Variants in SGK3 observed in about 807,000 individuals in gnomAD.
SGK3 encodes serum/glucocorticoid regulated kinase family member 3.
In SGK3, 47 loss-of-function variants were observed where a neutral mutation model predicts 68.5. The observed-to-expected ratio is 0.69, with a 90% CI of 0.54 to 0.87. SGK3 has a LOEUF of 0.87. SGK3 is among the 40% of genes least tolerant of loss of function. The pLI is 0.00. For missense variants in SGK3, 479 were observed against 575.5 expected, an observed-to-expected ratio of 0.83 and a Z score of 1.72; for synonymous variants, 181 against 189.1, an observed-to-expected ratio of 0.96 and a Z score of 0.35.
At chr8:66,737,724 C>T (rs1390483589) in intron 1 of SGK3, 1 of 151,572 alleles carries the variant, frequency 6.6e-6, no homozygotes, top group Non-Finnish European at 1.5e-5. Flanking sequence ...CAAGTGATTC[C>T]CTTGCCTCAG....
At chr8:66,849,348 G>A (rs1810168579) in intron 15 of SGK3, among the ~76,000 whole-genome samples, 1 of 152,028 alleles carries the variant, frequency 6.6e-6, no homozygotes, top group African/African-American at 2.4e-5. Context: ...TGGCTATTCT[G>A]GCCAGAAATC....
intron 1 of SGK3, among the ~76,000 whole-genome samples, chr8:66,717,664 G>A (rs996973909): frequency 1.3e-5 from 2 of 152,296 alleles, no homozygotes; most frequent in South Asian, 4.1e-4. Flanking sequence ...TTGAAAATGA[G>A]AAGGAACTTT....
chr8:66,765,310 T>G (rs747418895), intron 1 of SGK3, among the ~76,000 whole-genome samples: 1 of 146,088 alleles, frequency 6.8e-6, no homozygotes, highest in Admixed American at 6.7e-5. Context: ...TAATGACTAA[T>G]GTTGTTGAGC....
At chr8:66,796,166 C>A (rs1459338782) in intron 2 of SGK3, among the ~76,000 whole-genome samples, 3 of 151,606 alleles carry the variant, frequency 2.0e-5, no homozygotes, top group African/African-American at 7.3e-5. Flanking sequence ...GAGACAGAAT[C>A]TCGCTCTGTC....
At chr8:66,852,325 A>G (rs1176811879) in intron 16 of SGK3, among the ~76,000 whole-genome samples, 3 of 121,880 alleles carry the variant, frequency 2.5e-5, no homozygotes, top group Non-Finnish European at 4.7e-5. Flanking sequence ...CTCTGTCGCC[A>G]GTCTGGAGTG....
chr8:66,759,158 T>C lies in SGK3; in HGVS notation c.-121-34458T>C, dbSNP rs1806079298. 2.0e-5 allele frequency among the ~76,000 whole-genome samples: 3 copies of C among 149,584 alleles called. No individual in the cohort carries two copies. In the Admixed American group the frequency reaches 2.0e-4, roughly 10 times the overall value. On this transcript the variant is annotated intron_variant, in intron 1 of 16. Coordinates refer to ENST00000521198, the MANE Select transcript of SGK3 (RefSeq NM_001033578.3). ...TGGAGTGCAGTAGCACGATCTCAGC[T>C]CACTGCAACCTCCGCCTCCTGGGTT... is the stretch of plus-strand genomic sequence containing the variant.
At chr8:66,726,524 C>T (rs1804988521) in intron 1 of SGK3, among the ~76,000 whole-genome samples, 1 of 152,140 alleles carries the variant, frequency 6.6e-6, no homozygotes. Flanking sequence ...TTCATTTTTA[C>T]TTTATCATTG....
At chr8:66,786,284 A>G (rs1287959406) in intron 1 of SGK3, among the ~76,000 whole-genome samples, 1 of 152,190 alleles carries the variant, frequency 6.6e-6, no homozygotes, top group Admixed American at 6.5e-5. Context: ...GGGTAGTATA[A>G]TGGATAGAAG....
At chr8:66,799,818 T>G (rs1807856937) in intron 3 of SGK3, among the ~76,000 whole-genome samples, 1 of 152,086 alleles carries the variant, frequency 6.6e-6, no homozygotes, top group Non-Finnish European at 1.5e-5. Flanking sequence ...GAGACGGGGT[T>G]TTGCCATGTT....
At chr8:66,765,611 C>T (rs927351239) in intron 1 of SGK3, among the ~76,000 whole-genome samples, 8 of 152,092 alleles carry the variant, frequency 5.3e-5, no homozygotes, top group African/African-American at 1.9e-4. Context: ...TAGTTTAGTG[C>T]ACTCCACAAC....
rs1374972892 is a variant in SGK3 at position 66,723,117 on chromosome 8, ATATATATATATATATTTTTTTT to A, written c.-122+10286_-122+10307del. On this transcript the variant is annotated intron_variant, in intron 1 of 16. Transcript: ENST00000521198. The stretch of plus-strand genomic sequence containing the variant: ...TATATATATATATATATATATATAT[ATATATATATATATATTTTTTTT>A]TTTTTTTTTTTTTGTAAAAGGGTCG... Among the ~76,000 whole-genome samples the A allele has an allele frequency of 2.0e-4, 10 of 49,756 alleles. 1 individual carries two copies. Among genetic ancestry groups the A allele is most frequent in the African/African-American group, 9.0e-4 (10 of 11,104 alleles). The allele number at this position is 49,756 out of a possible 152,430, so 32.6% of individuals were successfully genotyped here. A position where few individuals can be genotyped will look rare whatever the true frequency, so the allele number is the denominator to read the frequency against.
At chr8:66,787,426 C>A (rs1294938238) in intron 1 of SGK3, among the ~76,000 whole-genome samples, 2 of 152,216 alleles carry the variant, frequency 1.3e-5, no homozygotes, top group Non-Finnish European at 2.9e-5. Context: ...GTCAGTCTTG[C>A]TTCTGTGAAG....
intron 1 of SGK3, among the ~76,000 whole-genome samples, chr8:66,779,486 C>T (rs186827254): frequency 4.4e-4 from 64 of 144,096 alleles, no homozygotes; most frequent in African/African-American, 1.5e-3. Flanking sequence ...TTTATTTTAC[C>T]GTTCCTAGAA....
chr8:66,715,257 CT>C (rs2130311846), intron 1 of SGK3, among the ~76,000 whole-genome samples: 1 of 146,328 alleles, frequency 6.8e-6, no homozygotes, highest in South Asian at 2.1e-4. Context: ...TTCTTTCTTT[CT>C]TTCTTTGTTT....
intron 1 of SGK3, among the ~76,000 whole-genome samples, chr8:66,733,868 C>G (rs1805237126): frequency 6.6e-6 from 1 of 152,128 alleles, no homozygotes; most frequent in African/African-American, 2.4e-5. Context: ...TATTTGAAAA[C>G]AAAGGGTTTC....
intron 1 of SGK3, among the ~76,000 whole-genome samples, chr8:66,738,384 A>C (rs901472654): frequency 6.6e-6 from 1 of 152,190 alleles, no homozygotes; most frequent in Non-Finnish European, 1.5e-5. Context: ...TAAAGTGCAG[A>C]TGTGACCGTT....
chr8:66,823,960 A>G (rs1808953082), intron 6 of SGK3, among the ~76,000 whole-genome samples: 2 of 152,134 alleles, frequency 1.3e-5, no homozygotes, highest in Admixed American at 1.3e-4. Flanking sequence ...TTTCTTTATA[A>G]TGCCTTTTAA....
In SGK3 at chr8:66,739,265, A is replaced by G. The variant is rs1805413743; in HGVS notation, c.-122+26432A>G. ...AAGGGGAAGCAGACATGTGAAAAGG[A>G]GCCAAATATGAAGGATGTCCTTACT... On this transcript the variant is annotated intron_variant, in intron 1 of 16. Coordinates refer to ENST00000521198, the MANE Select transcript of SGK3 (RefSeq NM_001033578.3). 2.0e-5 allele frequency among the ~76,000 whole-genome samples: 3 copies of G among 152,178 alleles called. No homozygotes were observed. In the South Asian group the frequency reaches 6.2e-4, roughly 32 times the overall value.
chr8:66,735,561 A>G (rs138890710), intron 1 of SGK3, among the ~76,000 whole-genome samples: 3,061 of 152,222 alleles, frequency 0.02, 74 homozygotes, highest in South Asian at 0.053. Flanking sequence ...CCTATGTGGC[A>G]TTTGCCCCTA....
Sources: gnomAD v4.1 joint callset for allele counts (sites outside exome capture counted in the v4.1 genomes callset) on GRCh38, gnomAD v4.1.1 for gene constraint, MANE v1.5 for transcripts, NCBI Gene and HGNC (gene_info 2026-07-23, HGNC 2026-07-21) for gene names.